Variants in ZXDC observed in about 807,000 individuals in gnomAD.
ZXDC encodes ZXD family zinc finger C, also known as zinc finger protein ZXDC.
Under a neutral mutation model 63.6 loss-of-function variants are expected in ZXDC, and 58 were observed. That is an observed-to-expected ratio of 0.91 (90% CI 0.74 to 1.13). The LOEUF (loss-of-function observed/expected upper bound fraction) is 1.13. ZXDC is among the 50% of genes most tolerant of loss of function. ZXDC has a pLI of 0.00. For missense variants in ZXDC, 1,133 were observed against 1,148.9 expected (o/e 0.99, Z 0.20); for synonymous variants, 561 against 496.1 (o/e 1.13, Z -1.74).
At chr3:126,468,963 C>T (rs2107656098) in intron 4 of ZXDC, among the ~76,000 whole-genome samples, 1 of 152,334 alleles carries the variant, frequency 6.6e-6, no homozygotes. Flanking sequence ...TTAAGAAAAT[C>T]TAACAGCAAT....
At chr3:126,448,271 A>G (rs536072941) in intron 7 of ZXDC, among the ~76,000 whole-genome samples, 1 of 152,212 alleles carries the variant, frequency 6.6e-6, no homozygotes, top group African/African-American at 2.4e-5. Context: ...CACCCATTCA[A>G]CAAGTATGTA....
In ZXDC at chr3:126,457,336, A is replaced by T. The variant is rs1934347500; in HGVS notation, c.2212+2317T>A. On this transcript the variant is annotated intron_variant, in intron 7 of 9. Transcript: ENST00000389709. Reference sequence around the variant, plus strand: ...ACACACAGAGGAGCGCTGTGCAGGAATATGTGTCTAAAACCACAGCAGACC... The same window carrying T: ...ACACACAGAGGAGCGCTGTGCAGGATTATGTGTCTAAAACCACAGCAGACC... The T allele has an allele frequency of 7.1e-6, 7 of 985,318 alleles. No individual in the cohort carries two copies. The African/African-American group carries it at 1.2e-4, about 17-fold the overall frequency. The allele number at this position is 985,318 out of a possible 1,614,324, so 61.0% of individuals were successfully genotyped here. A position where few individuals can be genotyped will look rare whatever the true frequency, so the allele number is the denominator to read the frequency against.
chr3:126,451,004 C>T, intron 7 of ZXDC: 1 of 392,162 alleles, frequency 2.5e-6, no homozygotes, highest in South Asian at 1.0e-4. Context: ...ATCACTCTAG[C>T]TCTCGTCCCC....
intron 5 of ZXDC, among the ~76,000 whole-genome samples, chr3:126,464,891 C>G (rs1934695465): frequency 6.6e-6 from 1 of 152,198 alleles, no homozygotes; most frequent in Non-Finnish European, 1.5e-5. Context: ...AGCTGAACGG[C>G]AACTGCTGTA....
intron 4 of ZXDC, among the ~76,000 whole-genome samples, chr3:126,467,395 G>A (rs1934815281): frequency 6.6e-6 from 1 of 152,186 alleles, no homozygotes; most frequent in Non-Finnish European, 1.5e-5. Flanking sequence ...GGGGTGCTGA[G>A]GGCCCAATAA....
chr3:126,473,115 C>G (rs1054085549), intron 1 of ZXDC, among the ~76,000 whole-genome samples: 1 of 152,178 alleles, frequency 6.6e-6, no homozygotes, highest in African/African-American at 2.4e-5. Context: ...CCCTACTTTC[C>G]CCAGCAACAT....
intron 7 of ZXDC, among the ~76,000 whole-genome samples, chr3:126,444,521 G>C (rs1933809492): frequency 6.7e-6 from 1 of 150,222 alleles, no homozygotes; most frequent in Non-Finnish European, 1.5e-5. Context: ...GACAGAGCGA[G>C]ACTCCCTCTC....
intron 7 of ZXDC, chr3:126,452,035 T>G: frequency 1.0e-6 from 1 of 980,770 alleles, no homozygotes; most frequent in Non-Finnish European, 1.2e-6. Context: ...ATTCTAATAT[T>G]TTTTTTTCCC....
chr3:126,460,254 G>A (rs1407545649), intron 6 of ZXDC: 1 of 661,254 alleles, frequency 1.5e-6, no homozygotes, highest in East Asian at 1.3e-4. Context: ...CTTGCCTGAG[G>A]GAGTCAGACA....
intron 7 of ZXDC, among the ~76,000 whole-genome samples, chr3:126,443,995 G>C (rs944687252): frequency 3.9e-5 from 6 of 152,322 alleles, no homozygotes; most frequent in African/African-American, 1.4e-4. Context: ...CTTCTTGCTA[G>C]AATTAGACAT....
chr3:126,466,374 C>T (rs1934766647), intron 4 of ZXDC, 49 bp from the exon 5 acceptor site: 1 of 1,610,128 alleles, frequency 6.2e-7, no homozygotes, highest in African/African-American at 1.3e-5. Flanking sequence ...CACCAAGGAA[C>T]CAGGAACAAG....
chr3:126,442,436 G>C lies in ZXDC; in HGVS notation c.2213-490C>G, dbSNP rs549738789. The C allele has an allele frequency of 2.6e-5, 4 of 152,422 alleles. No homozygotes were observed. The East Asian group carries it at 7.7e-4, about 29-fold the overall frequency. The allele number at this position is 152,422 out of a possible 1,614,324, so 9.4% of individuals were successfully genotyped here. Reference sequence around the variant, plus strand: ...GGTTTTACAAATATGTGCTTCTTAAGAAATGAAGTAAAGCACAAAGAAAAA... The same window carrying C: ...GGTTTTACAAATATGTGCTTCTTAACAAATGAAGTAAAGCACAAAGAAAAA... On this transcript the variant is annotated intron_variant, in intron 7 of 9. Transcript: ENST00000389709.
intron 7 of ZXDC, among the ~76,000 whole-genome samples, chr3:126,452,826 T>C (rs1023526496): frequency 6.6e-6 from 1 of 151,072 alleles, no homozygotes; most frequent in African/African-American, 2.4e-5. Context: ...ACAACCTCCA[T>C]CTCCTGGGCT....
Position 126,475,522 on chromosome 3 carries a change from G to C in ZXDC, c.344C>G (p.Pro115Arg), listed in dbSNP as rs1302839531. ...ASRPEQGPSG[P>R]AAPPGPGVAP... Reference sequence around the variant, plus strand: ...TACGCCAGGGCCGGGGGGGGCGGCCGGGCCGCTGGGGCCCTGCTCGGGGCG... The same window carrying C: ...TACGCCAGGGCCGGGGGGGGCGGCCCGGCCGCTGGGGCCCTGCTCGGGGCG... Residue 115 changes from proline to arginine, a missense_variant, in exon 1 of 10, where the codon CCG becomes CGG. By Grantham distance (103) the Pro-to-Arg change is moderately radical. Coordinates refer to ENST00000389709, the MANE Select transcript of ZXDC (RefSeq NM_025112.5). The C allele has an allele frequency of 2.4e-6, 3 of 1,257,036 alleles. No homozygotes were observed. Among genetic ancestry groups the C allele is most frequent in the Middle Eastern group, 2.8e-4 (1 of 3,616 alleles). 77.9% of individuals were successfully genotyped at this position (1,257,036 alleles called of 1,614,324 possible).
rs1933696392 is a variant in ZXDC, at chr3:126,441,912, T to A, written c.2247A>T (p.Glu749Asp). Residue 749 changes from glutamate to aspartate, a missense_variant, in exon 8 of 10, where the codon GAA (glutamate) becomes GAT (aspartate). Coordinates refer to ENST00000389709, the MANE Select transcript of ZXDC (RefSeq NM_025112.5). ...ASQSTQRKIK[E>D]GKMSPPHFHA... ...GGAAATGGGGAGGACTCATTTTGCC[T>A]TCTTTTATTTTTCTCTGAGTAGACT... The A allele has an allele frequency of 2.5e-6, 4 of 1,611,212 alleles. No homozygotes were observed. Among genetic ancestry groups the A allele is most frequent in the Non-Finnish European group, 3.4e-6 (4 of 1,178,866 alleles).
At chr3:126,450,602 C>T (rs1018328507) in intron 7 of ZXDC, 2 of 450,748 alleles carry the variant, frequency 4.4e-6, no homozygotes, top group Admixed American at 2.4e-5. Context: ...ACTGACCGCC[C>T]CTGCTGACCC....
intron 8 of ZXDC, chr3:126,440,633 T>C (rs2107625366): frequency 1.0e-6 from 1 of 985,698 alleles, no homozygotes; most frequent in East Asian, 1.1e-4. Flanking sequence ...GTCCTCCCCC[T>C]CCCCCTGCCC....
chr3:126,454,062 ATATT>A, intron 7 of ZXDC: 1 of 701,050 alleles, frequency 1.4e-6, no homozygotes, highest in Non-Finnish European at 1.7e-6. Context: ...ATATATATAT[ATATT>A]TTTTTTTTTG....
chr3:126,461,138 G>A (rs1307895962), intron 6 of ZXDC: 1 of 991,986 alleles, frequency 1.0e-6, no homozygotes, highest in Non-Finnish European at 1.2e-6. Flanking sequence ...TGGTTTTAAA[G>A]TTTCCATTGA....
Sources: allele counts gnomAD v4.1 joint callset (sites outside exome capture counted in the v4.1 genomes callset), GRCh38; gene constraint gnomAD v4.1.1; transcripts MANE v1.5; gene names NCBI Gene and HGNC (gene_info 2026-07-23, HGNC 2026-07-21).